HS3ST4: variants seen among roughly 807,000 people sequenced by gnomAD.
HS3ST4 encodes heparan sulfate glucosamine 3-O-sulfotransferase 4.
Under a neutral mutation model 29.2 loss-of-function variants are expected in HS3ST4, and 17 were observed. The observed-to-expected ratio is 0.58, with a 90% CI of 0.40 to 0.87. The LOEUF (loss-of-function observed/expected upper bound fraction) is 0.87, where lower values mean the gene tolerates loss of function less well. HS3ST4 is among the 40% of genes least tolerant of loss of function. The probability of loss-of-function intolerance (pLI) is 0.00; values close to 1 mark genes in which losing one functional copy is unlikely to be tolerated. For missense variants in HS3ST4, 627 were observed against 634.5 expected (o/e 0.99, Z 0.13); for synonymous variants, 314 against 285.7 (o/e 1.10, Z -1.00).
At chr16:25,978,617 T>C (rs555767545) in intron 1 of HS3ST4, among the ~76,000 whole-genome samples, 108 of 152,362 alleles carry the variant, frequency 7.1e-4, no homozygotes, top group African/African-American at 2.5e-3. Flanking sequence ...GTAGGTGATC[T>C]GGAGCAAGTC....
chr16:25,755,064 C>G (rs1567233368), intron 1 of HS3ST4, among the ~76,000 whole-genome samples: 1 of 152,026 alleles, frequency 6.6e-6, no homozygotes, highest in Non-Finnish European at 1.5e-5. Context: ...ATCCACTCAG[C>G]CTACTATCCA....
At chr16:26,113,597 G>A (rs1899164085) in intron 1 of HS3ST4, among the ~76,000 whole-genome samples, 1 of 151,224 alleles carries the variant, frequency 6.6e-6, no homozygotes. Flanking sequence ...CAGCCTTCTT[G>A]GTTTCATGTG....
At position 25,693,092 on chromosome 16, in the gene HS3ST4, G is replaced by T. The variant is rs752580524; in HGVS notation, c.675G>T (p.Ala225=). ...EAIRVHPDVR[A]VGVEPHFFDR... ...TCCGCGTGCACCCGGACGTGCGGGCGGTGGGCGTAGAGCCGCACTTCTTCG... is the reference window on the plus strand; with the variant it reads ...TCCGCGTGCACCCGGACGTGCGGGCTGTGGGCGTAGAGCCGCACTTCTTCG... Residue 225 remains alanine (A), a synonymous_variant, in exon 1 of 2, where the codon GCG becomes GCT. Coordinates refer to ENST00000331351, the MANE Select transcript of HS3ST4 (RefSeq NM_006040.3). The T allele has an allele frequency of 5.0e-6, 8 of 1,608,562 alleles. No individual in the cohort carries two copies. The African/African-American group carries it at 9.4e-5, about 19-fold the overall frequency.
intron 1 of HS3ST4, among the ~76,000 whole-genome samples, chr16:25,744,087 C>T (rs1167853096): frequency 6.6e-6 from 1 of 152,214 alleles, no homozygotes; most frequent in Non-Finnish European, 1.5e-5. Flanking sequence ...AATGAATTAA[C>T]TATTCCAGCT....
chr16:26,054,897 G>C (rs912547663), intron 1 of HS3ST4, among the ~76,000 whole-genome samples: 8 of 151,946 alleles, frequency 5.3e-5, no homozygotes, highest in Admixed American at 3.9e-4. Context: ...AGGTGTTTTC[G>C]CTTCTCTTCA....
chr16:26,018,043 G>A (rs542908632), intron 1 of HS3ST4, among the ~76,000 whole-genome samples: 39 of 152,282 alleles, frequency 2.6e-4, no homozygotes, highest in Admixed American at 5.2e-4. Context: ...AAGATGGCCC[G>A]TCGCACATGT....
At chr16:26,097,326 C>G (rs1179421250) in intron 1 of HS3ST4, among the ~76,000 whole-genome samples, 1 of 152,214 alleles carries the variant, frequency 6.6e-6, no homozygotes, top group Non-Finnish European at 1.5e-5. Flanking sequence ...TACCTGACTT[C>G]AAACTATACT....
At chr16:25,997,524 C>T (rs1969168002) in intron 1 of HS3ST4, among the ~76,000 whole-genome samples, 1 of 152,234 alleles carries the variant, frequency 6.6e-6, no homozygotes, top group African/African-American at 2.4e-5. Context: ...TCAATGGCAT[C>T]AACAACCTAT....
At chr16:25,864,441 C>T (rs1427889031) in intron 1 of HS3ST4, among the ~76,000 whole-genome samples, 1 of 151,852 alleles carries the variant, frequency 6.6e-6, no homozygotes, top group East Asian at 1.9e-4. Context: ...ATTATTTTTG[C>T]ACCAACCTTA....
chr16:25,721,616 A>T (rs935129958), intron 1 of HS3ST4, among the ~76,000 whole-genome samples: 2 of 152,174 alleles, frequency 1.3e-5, no homozygotes, highest in Non-Finnish European at 1.5e-5. Context: ...CAGCGTATTT[A>T]TGCACAGACA....
intron 1 of HS3ST4, among the ~76,000 whole-genome samples, chr16:25,883,016 G>A (rs935748010): frequency 1.2e-4 from 19 of 152,118 alleles, no homozygotes. Context: ...GTGAAAAGAA[G>A]CTCCCCTTTA....
At chr16:25,787,585 G>T (rs1013812704) in intron 1 of HS3ST4, among the ~76,000 whole-genome samples, 3 of 152,218 alleles carry the variant, frequency 2.0e-5, no homozygotes, top group Admixed American at 2.0e-4. Flanking sequence ...TAAATGGTAG[G>T]ATGCAGATGG....
intron 1 of HS3ST4, among the ~76,000 whole-genome samples, chr16:25,896,958 C>T (rs189742655): frequency 5.3e-5 from 8 of 152,058 alleles, no homozygotes; most frequent in East Asian, 3.9e-4. Flanking sequence ...TGGGTGCTTA[C>T]GGAGTAAAGA....
intron 1 of HS3ST4, among the ~76,000 whole-genome samples, chr16:25,878,700 A>G (rs1401648415): frequency 1.3e-5 from 2 of 152,172 alleles, no homozygotes; most frequent in African/African-American, 4.8e-5. Flanking sequence ...CATGTTATGT[A>G]ATTCAGCCTT....
chr16:26,024,457 C>A lies in HS3ST4; in HGVS notation c.735-111155C>A, dbSNP rs147554779. Among the ~76,000 whole-genome samples, 4 of 152,034 alleles carry A rather than the reference C, an allele frequency of 2.6e-5. No individual in the cohort carries two copies. In the East Asian group the frequency reaches 5.9e-4, roughly 22 times the overall value. ...TTTTAAAACAAGTCTCAGGGCTGGG[C>A]GCAGTAGCTTACACCTGTAATCCCA... On this transcript the variant is annotated intron_variant, in intron 1 of 1. Transcript: ENST00000331351.
intron 1 of HS3ST4, among the ~76,000 whole-genome samples, chr16:25,900,536 C>T (rs1316258741): frequency 6.6e-6 from 1 of 152,100 alleles, no homozygotes; most frequent in Non-Finnish European, 1.5e-5. Context: ...GGGAGACAGT[C>T]AGGGTGTTAT....
At chr16:25,802,479 T>G (rs1966949038) in intron 1 of HS3ST4, among the ~76,000 whole-genome samples, 1 of 152,116 alleles carries the variant, frequency 6.6e-6, no homozygotes, top group African/African-American at 2.4e-5. Context: ...ACAACAATTT[T>G]TTACTGTTCC....
intron 1 of HS3ST4, among the ~76,000 whole-genome samples, chr16:25,985,639 C>T (rs1408312944): frequency 1.3e-5 from 2 of 151,934 alleles, no homozygotes; most frequent in African/African-American, 2.4e-5. Flanking sequence ...ACTTATTTTA[C>T]TTATTACTTA....
At chr16:26,011,599 CCA>C (rs1483994932) in intron 1 of HS3ST4, among the ~76,000 whole-genome samples, 1 of 152,034 alleles carries the variant, frequency 6.6e-6, no homozygotes, top group Non-Finnish European at 1.5e-5. Flanking sequence ...AAATACATGA[CCA>C]CGTACAATAA....
Sources: allele counts gnomAD v4.1 joint callset (sites outside exome capture counted in the v4.1 genomes callset), GRCh38; gene constraint gnomAD v4.1.1; transcripts MANE v1.5; gene names NCBI Gene and HGNC (gene_info 2026-07-23, HGNC 2026-07-21).